Variants in HCN1 observed in about 807,000 individuals in gnomAD.
The protein encoded by HCN1 is hyperpolarization activated cyclic nucleotide gated potassium channel 1.
Under a neutral mutation model 78.9 loss-of-function variants are expected in HCN1, and 13 were observed. That is an observed-to-expected ratio of 0.16 (90% CI 0.11 to 0.26). The LOEUF is 0.26. Among genes scored for constraint, HCN1 ranks in the 10% least tolerant of loss-of-function variants. HCN1 has a pLI of 1.00. For synonymous variants in HCN1, 552 were observed against 455.5 expected (o/e 1.21, Z -2.70); for missense variants, 810 against 1,154.3 (o/e 0.70, Z 4.32).
intron 1 of HCN1, among the ~76,000 whole-genome samples, chr5:45,665,907 A>G (rs1412694711): frequency 6.6e-6 from 1 of 152,050 alleles, no homozygotes; most frequent in Admixed American, 6.6e-5. Flanking sequence ...CCTCAACCTG[A>G]TCAAGGAGCT....
At chr5:45,323,843 C>T (rs942144967) in intron 5 of HCN1, among the ~76,000 whole-genome samples, 5 of 151,562 alleles carry the variant, frequency 3.3e-5, no homozygotes, top group Admixed American at 1.3e-4. Context: ...TGATAGATTG[C>T]TGAGAATGGT....
rs79511637 is a variant in HCN1 at position 45,321,990 on chromosome 5, G to A, written c.1378-18151C>T. On this transcript the variant is annotated intron_variant, in intron 5 of 7. Coordinates refer to ENST00000303230, the MANE Select transcript of HCN1 (RefSeq NM_021072.4). Reference sequence around the variant, plus strand: ...TCCTCTGTGCCTCACCAGAAAATTAGTGTAAAAGGTAAATATGGAAGAAAA... The same window carrying A: ...TCCTCTGTGCCTCACCAGAAAATTAATGTAAAAGGTAAATATGGAAGAAAA... Among the ~76,000 whole-genome samples, 440 of 151,942 alleles carry A rather than the reference G, an allele frequency of 2.9e-3. 1 individual carries two copies. The highest frequency in any genetic ancestry group is 0.01 in the African/African-American group (419 of 41,504).
At chr5:45,544,385 T>G (rs191581719) in intron 2 of HCN1, among the ~76,000 whole-genome samples, 36 of 152,164 alleles carry the variant, frequency 2.4e-4, no homozygotes, top group Admixed American at 1.8e-3. Flanking sequence ...GGTTTTCTAC[T>G]TGTTCGTATT....
intron 4 of HCN1, among the ~76,000 whole-genome samples, chr5:45,376,307 AAAATATGT>A (rs1747672135): frequency 5.6e-4 from 1 of 1,786 alleles, no homozygotes; most frequent in Non-Finnish European, 1.5e-3. Context: ...TATTATATAT[AAAATATGT>A]TATATTACAT....
chr5:45,470,562 A>G (rs1453085204), intron 2 of HCN1, among the ~76,000 whole-genome samples: 1 of 151,928 alleles, frequency 6.6e-6, no homozygotes, highest in Non-Finnish European at 1.5e-5. Flanking sequence ...TGCTCCACCA[A>G]TTCAGGTAAT....
At chr5:45,626,530 T>A (rs73103077) in intron 2 of HCN1, among the ~76,000 whole-genome samples, 1 of 152,120 alleles carries the variant, frequency 6.6e-6, no homozygotes, top group African/African-American at 2.4e-5. Flanking sequence ...CAAAGACTCA[T>A]GATGTGAAGG....
At chr5:45,373,952 C>A (rs1384987396) in intron 4 of HCN1, among the ~76,000 whole-genome samples, 3 of 109,556 alleles carry the variant, frequency 2.7e-5, no homozygotes, top group South Asian at 2.7e-4. Flanking sequence ...GTATATACAT[C>A]ATATATAATA....
intron 6 of HCN1, among the ~76,000 whole-genome samples, chr5:45,298,142 A>G (rs1466482443): frequency 6.6e-6 from 1 of 152,042 alleles, no homozygotes; most frequent in Non-Finnish European, 1.5e-5. Flanking sequence ...CTGAGAGGTG[A>G]AGACTTTATG....
At chr5:45,439,031 G>C (rs1740619508) in intron 3 of HCN1, among the ~76,000 whole-genome samples, 1 of 151,976 alleles carries the variant, frequency 6.6e-6, no homozygotes, top group Non-Finnish European at 1.5e-5. Context: ...TCTTTCTTTT[G>C]TCAAAAGAAA....
intron 1 of HCN1, among the ~76,000 whole-genome samples, chr5:45,661,024 C>A: frequency 9.3e-6 from 1 of 107,824 alleles, no homozygotes; most frequent in South Asian, 3.8e-4. Flanking sequence ...CCACACCACA[C>A]CTATTCCAAA....
At chr5:45,568,332 A>T (rs1354500389) in intron 2 of HCN1, among the ~76,000 whole-genome samples, 2 of 152,074 alleles carry the variant, frequency 1.3e-5, no homozygotes, top group African/African-American at 4.8e-5. Context: ...TCTTTAGATG[A>T]TTCAGAAAAG....
At chr5:45,372,201 T>C (rs1395173099) in intron 4 of HCN1, among the ~76,000 whole-genome samples, 1 of 65,736 alleles carries the variant, frequency 1.5e-5, no homozygotes, top group Non-Finnish European at 2.4e-5. Flanking sequence ...ATTAATATAA[T>C]ACATATTATA....
intron 5 of HCN1, among the ~76,000 whole-genome samples, chr5:45,349,941 AGGTACAAGGAGGAACT>A (rs1746851226): frequency 6.6e-6 from 1 of 152,180 alleles, no homozygotes; most frequent in Non-Finnish European, 1.5e-5. Context: ...ATTCCACCAG[AGGTACAAGGAGGAACT>A]GGTACCATTC....
At position 45,682,549 on chromosome 5, in the gene HCN1, T is replaced by C. The variant is rs1047903047; in HGVS notation, c.425+13120A>G. On this transcript the variant is annotated intron_variant, in intron 1 of 7. Transcript: ENST00000303230. ...ATATTGCTAAAAGTCTCTTTATTTT[T>C]TCAAATTTATTAAGTGCCTACTTTA... Among the ~76,000 whole-genome samples, 3 of 151,962 alleles carry C rather than the reference T, an allele frequency of 2.0e-5. No individual in the cohort carries two copies. In the East Asian group the frequency reaches 5.8e-4, roughly 29 times the overall value.
At position 45,497,546 on chromosome 5, in the gene HCN1, A is replaced by C. The variant is rs1335955718; in HGVS notation, c.850-35539T>G. On this transcript the variant is annotated intron_variant, in intron 2 of 7. Coordinates refer to ENST00000303230, the MANE Select transcript of HCN1 (RefSeq NM_021072.4). Reference sequence around the variant, plus strand: ...CAACCCCTGCCTTTTTTTGTTTTCCATTGGCTTGGTAGACCTTCCTCCATC... The same window carrying C: ...CAACCCCTGCCTTTTTTTGTTTTCCCTTGGCTTGGTAGACCTTCCTCCATC... 2.0e-5 allele frequency among the ~76,000 whole-genome samples: 3 copies of C among 151,742 alleles called. No homozygotes were observed. In the East Asian group the frequency reaches 5.8e-4, roughly 29 times the overall value.
chr5:45,516,011 T>C (rs1173806039), intron 2 of HCN1, among the ~76,000 whole-genome samples: 1 of 152,010 alleles, frequency 6.6e-6, no homozygotes, highest in African/African-American at 2.4e-5. Context: ...TTCATGATTC[T>C]AAATTGAGAA....
At chr5:45,272,602 A>G (rs1387678947) in intron 6 of HCN1, among the ~76,000 whole-genome samples, 4 of 152,056 alleles carry the variant, frequency 2.6e-5, no homozygotes, top group Non-Finnish European at 4.4e-5. Context: ...TATCTTCTTA[A>G]GTTTTGGATA....
chr5:45,610,222 T>A (rs1404177276), intron 2 of HCN1, among the ~76,000 whole-genome samples: 1 of 152,104 alleles, frequency 6.6e-6, no homozygotes, highest in Non-Finnish European at 1.5e-5. Flanking sequence ...GATTATATAT[T>A]CTAGCAGAAA....
At chr5:45,665,542 C>T (rs889337409) in intron 1 of HCN1, among the ~76,000 whole-genome samples, 1 of 151,822 alleles carries the variant, frequency 6.6e-6, no homozygotes, top group African/African-American at 2.4e-5. Flanking sequence ...AAAAAGCAAA[C>T]AACAAAAACA....
Sources: allele counts gnomAD v4.1 joint callset (sites outside exome capture counted in the v4.1 genomes callset), GRCh38; gene constraint gnomAD v4.1.1; transcripts MANE v1.5; gene names NCBI Gene and HGNC (gene_info 2026-07-23, HGNC 2026-07-21).